Variants in LIMK2 observed in about 807,000 individuals in gnomAD.
LIMK2 encodes LIM domain kinase 2.
A neutral mutation model predicts 75.7 loss-of-function variants in LIMK2; 35 were observed. The observed-to-expected ratio is 0.46, with a 90% CI of 0.35 to 0.61. The LOEUF (loss-of-function observed/expected upper bound fraction) is 0.61, where lower values mean the gene tolerates loss of function less well. Among genes scored for constraint, LIMK2 ranks in the 20% least tolerant of loss-of-function variants. The probability of loss-of-function intolerance (pLI) is 0.00; values close to 1 mark genes in which losing one functional copy is unlikely to be tolerated. For synonymous variants in LIMK2, 301 were observed against 319.2 expected (o/e 0.94, Z 0.61); for missense variants, 623 against 831.0 (o/e 0.75, Z 3.08).
At chr22:31,221,621 A>C (rs1413913477) in intron 1 of LIMK2, among the ~76,000 whole-genome samples, 1 of 152,008 alleles carries the variant, frequency 6.6e-6, no homozygotes, top group Non-Finnish European at 1.5e-5. Context: ...AGTAGCTGGG[A>C]CTACAGGCGC....
Position 31,224,646 on chromosome 22 carries a change from C to T in LIMK2, c.17-1074C>T, listed in dbSNP as rs552431855. Reference sequence around the variant, plus strand: ...GAGTTCTTGGCATATAGGAGGCATTCATTAAATATTTGTTCTTCCCCTTTT... The same window carrying T: ...GAGTTCTTGGCATATAGGAGGCATTTATTAAATATTTGTTCTTCCCCTTTT... On this transcript the variant is annotated intron_variant, in intron 1 of 15. Transcript: ENST00000331728. Among the ~76,000 whole-genome samples the T allele has an allele frequency of 8.5e-5, 13 of 152,310 alleles. No individual in the cohort carries two copies. The East Asian group carries it at 2.3e-3, about 27-fold the overall frequency.
chr22:31,265,433 G>T (rs2048884905), intron 7 of LIMK2, among the ~76,000 whole-genome samples: 1 of 151,814 alleles, frequency 6.6e-6, no homozygotes, highest in African/African-American at 2.4e-5. Context: ...AGTTACTCAG[G>T]AGGCGGAGGC....
intron 2 of LIMK2, chr22:31,230,093 G>T (rs1272123877): frequency 1.5e-5 from 2 of 136,328 alleles, no homozygotes; most frequent in Non-Finnish European, 3.0e-5. Flanking sequence ...AAGTGAAATT[G>T]TGGGAGTGGA....
intron 2 of LIMK2, among the ~76,000 whole-genome samples, chr22:31,253,005 G>C (rs1192661182): frequency 6.6e-6 from 1 of 152,314 alleles, no homozygotes; most frequent in East Asian, 1.9e-4. Flanking sequence ...TGTGGATCTG[G>C]GTTGACCCAC....
chr22:31,221,476 A>AAAT (rs762397737), intron 1 of LIMK2, among the ~76,000 whole-genome samples: 15 of 151,996 alleles, frequency 9.9e-5, no homozygotes, highest in African/African-American at 2.9e-4. Context: ...AATTATAAAT[A>AAAT]AATAATAATA....
intron 2 of LIMK2, among the ~76,000 whole-genome samples, chr22:31,228,180 G>T (rs1169144622): frequency 3.3e-5 from 5 of 152,150 alleles, no homozygotes; most frequent in African/African-American, 1.2e-4. Flanking sequence ...ACTTTGGGAG[G>T]CCAAGGCAGG....
intron 1 of LIMK2, among the ~76,000 whole-genome samples, chr22:31,214,076 C>T (rs1323599260): frequency 6.6e-6 from 1 of 152,142 alleles, no homozygotes; most frequent in Non-Finnish European, 1.5e-5. Flanking sequence ...TTCGGCCTCC[C>T]AAAGTGCTGG....
intron 2 of LIMK2, among the ~76,000 whole-genome samples, chr22:31,235,370 C>T (rs2048564629): frequency 6.6e-6 from 1 of 152,142 alleles, no homozygotes; most frequent in South Asian, 2.1e-4. Context: ...AAATTGCCTG[C>T]AAGTGTCAGG....
At chr22:31,272,808 C>G in intron 13 of LIMK2, 104 bp downstream of exon 13, 1 of 1,451,580 alleles carries the variant, frequency 6.9e-7, no homozygotes, top group Non-Finnish European at 9.1e-7. Context: ...AGCGTAGGAC[C>G]GGATACCCAG....
intron 14 of LIMK2, among the ~76,000 whole-genome samples, chr22:31,274,152 A>T (rs913421962): frequency 8.6e-5 from 13 of 151,938 alleles, no homozygotes; most frequent in African/African-American, 3.1e-4. Context: ...CTTGGGCCAA[A>T]TGTAGCCCTT....
intron 2 of LIMK2, among the ~76,000 whole-genome samples, chr22:31,246,128 G>A (rs1303247581): frequency 2.0e-5 from 3 of 151,150 alleles, no homozygotes; most frequent in East Asian, 2.0e-4. Context: ...AGCCAAGATC[G>A]CGACACTACA....
chr22:31,271,320 T>A lies in LIMK2; in HGVS notation c.1383+119T>A, dbSNP rs559570675. ...GGCAGAGGTGTTGCCTAGGAGCTCC[T>A]ATCTTTCCCTTCCTGCTTCTTCCAA... On this transcript the variant is annotated intron_variant, in intron 12 of 15. Transcript: ENST00000331728. The A allele has an allele frequency of 5.4e-5, 43 of 798,498 alleles. No individual in the cohort carries two copies. In the South Asian group the frequency reaches 6.0e-4, roughly 11 times the overall value. The allele number at this position is 798,498 out of a possible 1,614,324, so 49.5% of individuals were successfully genotyped here.
chr22:31,230,690 G>C (rs547265514), intron 2 of LIMK2, among the ~76,000 whole-genome samples: 6 of 152,354 alleles, frequency 3.9e-5, no homozygotes, highest in African/African-American at 1.4e-4. Flanking sequence ...ATAGAAGACT[G>C]TGGTCACTGC....
intron 15 of LIMK2, chr22:31,277,359 G>T: frequency 2.2e-6 from 3 of 1,383,432 alleles, no homozygotes; most frequent in Non-Finnish European, 1.9e-6. Flanking sequence ...TTTTTATATT[G>T]ACTCTGCGGC....
intron 2 of LIMK2, chr22:31,248,871 G>A (rs547949934): frequency 1.3e-5 from 16 of 1,268,934 alleles, no homozygotes; most frequent in Non-Finnish European, 1.4e-5. Context: ...CTTTACCATC[G>A]GTTCTGCCGG....
chr22:31,239,636 G>A (rs901243030), intron 2 of LIMK2, among the ~76,000 whole-genome samples: 9 of 151,976 alleles, frequency 5.9e-5, no homozygotes, highest in African/African-American at 1.5e-4. Flanking sequence ...TATTCTCTTC[G>A]TTATTCTCTT....
chr22:31,235,681 G>C (rs1364180965), intron 2 of LIMK2, among the ~76,000 whole-genome samples: 1 of 152,168 alleles, frequency 6.6e-6, no homozygotes, highest in Non-Finnish European at 1.5e-5. Context: ...TTGTATATTT[G>C]AAAGATGGCA....
At chr22:31,213,003 G>C (rs937194269) in intron 1 of LIMK2, among the ~76,000 whole-genome samples, 10 of 152,098 alleles carry the variant, frequency 6.6e-5, no homozygotes, top group African/African-American at 2.4e-4. Flanking sequence ...AAATAAGGGA[G>C]TATGGAGCCC....
chr22:31,215,832 G>C (rs1246066128), intron 1 of LIMK2, among the ~76,000 whole-genome samples: 2 of 152,264 alleles, frequency 1.3e-5, no homozygotes, highest in Admixed American at 1.3e-4. Flanking sequence ...AAATTGATAA[G>C]ACAAGCTGTT....
Sources: gnomAD v4.1 joint callset for allele counts (sites outside exome capture counted in the v4.1 genomes callset) on GRCh38, gnomAD v4.1.1 for gene constraint, MANE v1.5 for transcripts, NCBI Gene and HGNC (gene_info 2026-07-23, HGNC 2026-07-21) for gene names.